PTPRQ: variants seen among roughly 807,000 people sequenced by gnomAD.
PTPRQ encodes phosphatidylinositol phosphatase PTPRQ.
In PTPRQ, 199 loss-of-function variants were observed where a neutral mutation model predicts 246.0. That is an observed-to-expected ratio of 0.81 (90% CI 0.72 to 0.91). PTPRQ has a LOEUF of 0.91. Among genes scored for constraint, PTPRQ ranks in the 40% least tolerant of loss-of-function variants. The pLI is 0.00. For missense variants in PTPRQ, 2,624 were observed against 2,528.4 expected (o/e 1.04, Z -0.81); for synonymous variants, 869 against 853.2 (o/e 1.02, Z -0.32).
At chr12:80,547,037 AC>A (rs1452007438) in intron 24 of PTPRQ, 2 of 179,238 alleles carry the variant, frequency 1.1e-5, no homozygotes, top group African/African-American at 4.7e-5. Flanking sequence ...ACTAGCAGTC[AC>A]TTTTAACGGG....
Position 80,481,584 on chromosome 12 carries a change from T to C in PTPRQ, c.1187-2849T>C, listed in dbSNP as rs529110447. Among the ~76,000 whole-genome samples, 19 of 152,190 alleles carry C rather than the reference T, an allele frequency of 1.2e-4. No homozygotes were observed. The South Asian group carries it at 3.9e-3, about 32-fold the overall frequency. On this transcript the variant is annotated intron_variant, in intron 8 of 44. Coordinates refer to ENST00000644991, the MANE Select transcript of PTPRQ (RefSeq NM_001145026.2). ...CAATTAGGAAAAGAGGAAGTCAAAT[T>C]GTCCCTGCTTGCAGATGACATGATT... is the stretch of plus-strand genomic sequence containing the variant.
Position 80,534,954 on chromosome 12 carries a change from T to C in PTPRQ, c.2902T>C (p.Phe968Leu). ...CCTCAGTTCTTCATCAATAATTCTT[T>C]TCTGGACACCTCCTTCAAAACCTAA... Reference protein sequence around the residue: ...ANLSSSSIILFWTPPSKPNGI... With the variant: ...ANLSSSSIILLWTPPSKPNGI... The change falls in exon 19 of 45, where the codon TTC becomes CTC. Residue 968 changes from phenylalanine (F) to leucine (L), a missense_variant. Transcript: ENST00000644991. The C allele has an allele frequency of 6.4e-7, 1 of 1,550,398 alleles. No individual in the cohort carries two copies. The highest frequency in any genetic ancestry group is 1.4e-5 in the African/African-American group (1 of 73,126).
intron 32 of PTPRQ, among the ~76,000 whole-genome samples, chr12:80,621,206 G>A (rs889123477): frequency 6.6e-6 from 1 of 151,784 alleles, no homozygotes; most frequent in African/African-American, 2.4e-5. Context: ...TCTATTAAAT[G>A]CAATTACTTT....
intron 18 of PTPRQ, 27 bp from the exon 19 acceptor site, chr12:80,534,865 T>A: frequency 6.5e-7 from 1 of 1,542,096 alleles, no homozygotes; most frequent in Non-Finnish European, 8.7e-7. Context: ...ACAAATACAG[T>A]AATTTGTTCA....
intron 3 of PTPRQ, among the ~76,000 whole-genome samples, chr12:80,456,786 T>C (rs1049229335): frequency 3.3e-5 from 5 of 152,192 alleles, no homozygotes; most frequent in African/African-American, 1.2e-4. Context: ...AGTAATGTTA[T>C]AGGAAAAATC....
Position 80,468,837 on chromosome 12 carries a change from A to G in PTPRQ, c.1038A>G (p.Ser346=). The part of the protein sequence containing the change: ...FSYRVELYGP[S]GRILDNSTKD... ...ATAGAGTTGAATTATATGGACCATC[A>G]GGTAAGCCTTAATTGGTTTTGTGTT... The change falls in exon 7 of 45, where the codon TCA becomes TCG. Residue 346 remains serine (S), a splice_region_variant and synonymous_variant. Transcript: ENST00000644991. 6.5e-7 allele frequency: 1 copy of G among 1,547,108 alleles called. No homozygotes were observed. The highest frequency in any genetic ancestry group is 8.7e-7 in the Non-Finnish European group (1 of 1,145,290).
intron 25 of PTPRQ, among the ~76,000 whole-genome samples, chr12:80,579,937 G>A (rs894003926): frequency 5.9e-5 from 9 of 152,074 alleles, no homozygotes; most frequent in Non-Finnish European, 1.2e-4. Context: ...TTGCTTAAAA[G>A]AGAGTACATC....
chr12:80,679,034 C>G lies in PTPRQ; in HGVS notation c.*11C>G, dbSNP rs1005627936. The G allele has an allele frequency of 6.5e-7, 1 of 1,543,886 alleles. No individual in the cohort carries two copies. Among genetic ancestry groups the G allele is most frequent in the Non-Finnish European group, 8.7e-7 (1 of 1,143,858 alleles). On this transcript the variant is annotated 3_prime_UTR_variant, in exon 45 of 45. Transcript: ENST00000644991. ...GAAACCACTATGTAAATATTCAGAC[C>G]AAAGGATACAATTGGAAGAGATTTT... is the stretch of plus-strand genomic sequence containing the variant.
At chr12:80,677,203 A>C (rs1901172192) in intron 43 of PTPRQ, among the ~76,000 whole-genome samples, 1 of 152,154 alleles carries the variant, frequency 6.6e-6, no homozygotes, top group South Asian at 2.1e-4. Flanking sequence ...AGAACTCATA[A>C]ATTTAAATGA....
intron 39 of PTPRQ, among the ~76,000 whole-genome samples, chr12:80,665,526 T>A (rs1900758069): frequency 6.6e-6 from 1 of 151,912 alleles, no homozygotes; most frequent in Non-Finnish European, 1.5e-5. Flanking sequence ...CCAATGTGAG[T>A]TTTTTATTTT....
Position 80,674,350 on chromosome 12 carries a change from C to T in PTPRQ, c.6738+1046C>T, listed in dbSNP as rs193096272. Among the ~76,000 whole-genome samples the T allele has an allele frequency of 7.9e-5, 12 of 152,204 alleles. No individual in the cohort carries two copies. The East Asian group carries it at 2.1e-3, about 27-fold the overall frequency. On this transcript the variant is annotated intron_variant, in intron 43 of 44. Coordinates refer to ENST00000644991, the MANE Select transcript of PTPRQ (RefSeq NM_001145026.2). The stretch of plus-strand genomic sequence containing the variant: ...AAGAAATTAAACTGATTTTTAAAGA[C>T]ATAAATTTTTAGGATCTTAATGTTA...
At chr12:80,552,687 A>ATATATATG (rs1896522433) in intron 25 of PTPRQ, among the ~76,000 whole-genome samples, 1 of 102,176 alleles carries the variant, frequency 9.8e-6, no homozygotes, top group African/African-American at 3.6e-5. Flanking sequence ...ATATATATAT[A>ATATATATG]TATATATTTG....
At chr12:80,654,176 A>G (rs1047252886) in intron 38 of PTPRQ, among the ~76,000 whole-genome samples, 5 of 151,650 alleles carry the variant, frequency 3.3e-5, no homozygotes, top group African/African-American at 1.2e-4. Flanking sequence ...GCTCACTGCA[A>G]CTTCTGCCTC....
intron 35 of PTPRQ, among the ~76,000 whole-genome samples, chr12:80,642,935 A>AAAAAAAAAC (rs1899933552): frequency 6.9e-6 from 1 of 145,560 alleles, no homozygotes; most frequent in African/African-American, 2.7e-5. Flanking sequence ...AAAAAAAAAA[A>AAAAAAAAAC]AAAAAAAAAA....
In PTPRQ at chr12:80,613,676, C is replaced by T; in HGVS notation, c.5003C>T (p.Ser1668Phe). 1 of 1,546,124 alleles carries T rather than the reference C, an allele frequency of 6.5e-7. No individual in the cohort carries two copies. The highest frequency in any genetic ancestry group is 1.2e-5 in the South Asian group (1 of 83,808). Reference sequence around the variant, plus strand: ...TTTCAATTAACGTTCCTTCCTCCTTCTCAACCTAATGGAAATATCCAAGTA... The same window carrying T: ...TTTCAATTAACGTTCCTTCCTCCTTTTCAACCTAATGGAAATATCCAAGTA... The part of the protein sequence containing the change: ...TKFQLTFLPP[S>F]QPNGNIQVYQ... The change falls in exon 29 of 45, where the codon TCT (serine) becomes TTT (phenylalanine). Residue 1668 changes from serine (S) to phenylalanine (F), a missense_variant. By Grantham distance (155) the Ser-to-Phe change is radical. Coordinates refer to ENST00000644991, the MANE Select transcript of PTPRQ (RefSeq NM_001145026.2).
At chr12:80,651,450 A>T (rs779788388) in intron 37 of PTPRQ, among the ~76,000 whole-genome samples, 10 of 152,080 alleles carry the variant, frequency 6.6e-5, no homozygotes, top group Non-Finnish European at 1.2e-4. Flanking sequence ...TAAAGGAAAA[A>T]AGGTGTTCCA....
chr12:80,460,451 A>G (rs183341312), intron 5 of PTPRQ, among the ~76,000 whole-genome samples: 40 of 152,204 alleles, frequency 2.6e-4, no homozygotes, highest in African/African-American at 9.7e-4. Context: ...GTTAAGGTAT[A>G]AGGAATACAA....
chr12:80,488,682 G>C (rs759909370), intron 9 of PTPRQ, among the ~76,000 whole-genome samples: 1 of 151,830 alleles, frequency 6.6e-6, no homozygotes, highest in Non-Finnish European at 1.5e-5. Flanking sequence ...TTTTTTTGTA[G>C]CCATGTAGAT....
At chr12:80,586,152 G>C (rs960415058) in intron 25 of PTPRQ, among the ~76,000 whole-genome samples, 1 of 151,760 alleles carries the variant, frequency 6.6e-6, no homozygotes, top group Admixed American at 6.6e-5. Flanking sequence ...CATTTGGGTT[G>C]GTTCCAAGTC....
Sources: allele counts gnomAD v4.1 joint callset (sites outside exome capture counted in the v4.1 genomes callset), GRCh38; gene constraint gnomAD v4.1.1; transcripts MANE v1.5; gene names NCBI Gene and HGNC (gene_info 2026-07-23, HGNC 2026-07-21).